MINDY2: variants seen among roughly 807,000 people sequenced by gnomAD.
MINDY2 encodes the protein MINDY lysine 48 deubiquitinase 2.
In MINDY2, 52 loss-of-function variants were observed where a neutral mutation model predicts 68.2. The observed-to-expected ratio is 0.76, with a 90% CI of 0.61 to 0.96. The LOEUF is 0.96. MINDY2 is among the 40% of genes least tolerant of loss of function. The pLI, the probability that MINDY2 is intolerant of heterozygous loss-of-function variation, is 0.00. For synonymous variants in MINDY2, 372 were observed against 303.0 expected (o/e 1.23, Z -2.36); for missense variants, 881 against 773.4 (o/e 1.14, Z -1.65).
At chr15:58,841,273 G>T (rs556632130) in intron 6 of MINDY2, among the ~76,000 whole-genome samples, 153 of 151,974 alleles carry the variant, frequency 1.0e-3, no homozygotes, top group African/African-American at 3.4e-3. Flanking sequence ...ATGAGCCACT[G>T]CACTGAGCCA....
At chr15:58,807,457 G>A (rs1037399212) in intron 3 of MINDY2, among the ~76,000 whole-genome samples, 4 of 145,784 alleles carry the variant, frequency 2.7e-5, no homozygotes, top group South Asian at 2.2e-4. Context: ...CCGGGTTTAC[G>A]CCATTCTGCT....
intron 1 of MINDY2, among the ~76,000 whole-genome samples, chr15:58,780,250 C>G (rs1281213653): frequency 6.6e-6 from 1 of 151,756 alleles, no homozygotes; most frequent in Non-Finnish European, 1.5e-5. Flanking sequence ...ACTAAAAATA[C>G]AAAATTAGCC....
At chr15:58,839,319 T>TG (rs2032163564) in intron 6 of MINDY2, among the ~76,000 whole-genome samples, 1 of 141,248 alleles carries the variant, frequency 7.1e-6, no homozygotes, top group African/African-American at 3.0e-5. Context: ...AGTTAGACTG[T>TG]TTTTTTGTTT....
chr15:58,774,537 A>G (rs943408063), intron 1 of MINDY2, among the ~76,000 whole-genome samples: 2 of 152,006 alleles, frequency 1.3e-5, no homozygotes, highest in African/African-American at 4.8e-5. Flanking sequence ...GTATGATGCA[A>G]ATCTGCCCTC....
At chr15:58,778,810 C>CT (rs1182523003) in intron 1 of MINDY2, among the ~76,000 whole-genome samples, 11,656 of 114,232 alleles carry the variant, frequency 0.1, 1,321 homozygotes, top group African/African-American at 0.29. Context: ...TTCTTTTTTT[C>CT]TTTTTTTTTT....
chr15:58,828,735 G>A (rs1377349505), intron 5 of MINDY2, among the ~76,000 whole-genome samples: 2 of 151,604 alleles, frequency 1.3e-5, no homozygotes, highest in Non-Finnish European at 2.9e-5. Flanking sequence ...TAATTTTTTT[G>A]TATTTTTAGT....
intron 3 of MINDY2, among the ~76,000 whole-genome samples, chr15:58,809,169 A>T (rs1179443661): frequency 6.6e-6 from 1 of 152,138 alleles, no homozygotes; most frequent in Non-Finnish European, 1.5e-5. Context: ...CCATGATCAT[A>T]CCACTGCACT....
intron 2 of MINDY2, among the ~76,000 whole-genome samples, chr15:58,799,250 G>A (rs986425604): frequency 1.3e-5 from 2 of 152,100 alleles, no homozygotes; most frequent in Admixed American, 1.3e-4. Flanking sequence ...TTTCTCTGGA[G>A]AAAAAAGAGA....
intron 1 of MINDY2, 106 bp downstream of exon 1, chr15:58,772,341 C>T: frequency 6.8e-7 from 1 of 1,472,376 alleles, no homozygotes; most frequent in East Asian, 2.3e-5. Flanking sequence ...CCTCATTCAT[C>T]AGTCCCCTTC....
intron 3 of MINDY2, among the ~76,000 whole-genome samples, chr15:58,806,992 G>C (rs1441142955): frequency 6.6e-6 from 1 of 152,146 alleles, no homozygotes; most frequent in Non-Finnish European, 1.5e-5. Flanking sequence ...ACATTTGAAT[G>C]ATTTCTGTTT....
intron 1 of MINDY2, among the ~76,000 whole-genome samples, chr15:58,774,280 C>T (rs1052277881): frequency 1.3e-5 from 2 of 151,998 alleles, no homozygotes; most frequent in African/African-American, 4.8e-5. Flanking sequence ...GTCAGGAGTT[C>T]GAGACCACCC....
intron 1 of MINDY2, among the ~76,000 whole-genome samples, chr15:58,776,680 T>C (rs1159868111): frequency 2.6e-5 from 4 of 151,984 alleles, no homozygotes; most frequent in Admixed American, 2.0e-4. Context: ...TTTTCTGAAG[T>C]AGTGGGAGGA....
chr15:58,830,575 T>C (rs2031656325), intron 5 of MINDY2, among the ~76,000 whole-genome samples: 2 of 152,138 alleles, frequency 1.3e-5, no homozygotes, highest in South Asian at 2.1e-4. Flanking sequence ...TTTAGATAAG[T>C]GATACTCAAC....
chr15:58,785,179 G>C (rs1595706823), intron 1 of MINDY2, among the ~76,000 whole-genome samples: 1 of 132,518 alleles, frequency 7.5e-6, no homozygotes, highest in Admixed American at 7.7e-5. Context: ...CTTTTGGGAA[G>C]ATCTTAGATG....
chr15:58,796,030 C>G (rs766480099), intron 2 of MINDY2: 2 of 451,350 alleles, frequency 4.4e-6, no homozygotes, highest in Non-Finnish European at 8.9e-6. Flanking sequence ...TTATTGTGAC[C>G]TTCATCAAAC....
chr15:58,824,027 A>G (rs755620613), intron 5 of MINDY2, among the ~76,000 whole-genome samples: 6 of 152,222 alleles, frequency 3.9e-5, no homozygotes, highest in African/African-American at 7.2e-5. Flanking sequence ...AAGGAACAAT[A>G]GGATTCAGAA....
intron 1 of MINDY2, among the ~76,000 whole-genome samples, chr15:58,774,688 T>A (rs1016672789): frequency 6.6e-6 from 1 of 152,038 alleles, no homozygotes; most frequent in African/African-American, 2.4e-5. Context: ...ATAGAAGAGA[T>A]AACCTGTGAA....
rs951957565 is a variant in MINDY2, at chr15:58,859,825, A to G, written c.*5215A>G. On this transcript the variant is annotated 3_prime_UTR_variant, in exon 9 of 9. Coordinates refer to ENST00000559228, the MANE Select transcript of MINDY2 (RefSeq NM_001040450.3). ...TATATTTTTTTACATGAAGGATTCT[A>G]CTTTCTAATTTTACTTTTCTGATCT... 6.6e-6 allele frequency: 1 copy of G among 152,224 alleles called. No homozygotes were observed. 9.4% of individuals were successfully genotyped at this position (152,224 alleles called of 1,614,324 possible). A position where few individuals can be genotyped will look rare whatever the true frequency, so the allele number is the denominator to read the frequency against.
At chr15:58,831,486 CT>C (rs2031724313) in intron 5 of MINDY2, among the ~76,000 whole-genome samples, 1 of 152,034 alleles carries the variant, frequency 6.6e-6, no homozygotes. Flanking sequence ...TGCTTTTTTA[CT>C]GCAACCTGCA....
Sources: gnomAD v4.1 joint callset for allele counts (sites outside exome capture counted in the v4.1 genomes callset) on GRCh38, gnomAD v4.1.1 for gene constraint, MANE v1.5 for transcripts, NCBI Gene and HGNC (gene_info 2026-07-23, HGNC 2026-07-21) for gene names.